MTMR10: variants seen among roughly 807,000 people sequenced by gnomAD.
MTMR10 encodes myotubularin related protein 10.
A neutral mutation model predicts 88.1 loss-of-function variants in MTMR10; 56 were observed. That is an observed-to-expected ratio of 0.64 (90% CI 0.51 to 0.79). The LOEUF (loss-of-function observed/expected upper bound fraction) is 0.79. MTMR10 is among the 30% of genes least tolerant of loss of function. The pLI is 0.00. For synonymous variants in MTMR10, 380 were observed against 340.9 expected, an observed-to-expected ratio of 1.11 and a Z score of -1.26; for missense variants, 883 against 924.7, an observed-to-expected ratio of 0.95 and a Z score of 0.58.
intron 14 of MTMR10, chr15:30,946,819 A>G: frequency 1.4e-6 from 1 of 692,298 alleles, no homozygotes. Flanking sequence ...TTTGTTTTTT[A>G]CTACCCAATA....
intron 2 of MTMR10, among the ~76,000 whole-genome samples, chr15:30,982,352 T>A (rs1343028440): frequency 6.6e-6 from 1 of 152,192 alleles, no homozygotes; most frequent in Admixed American, 6.5e-5. Context: ...CATAAGCTAT[T>A]AACATTAGCG....
At chr15:30,945,480 C>G (rs865918517) in intron 14 of MTMR10, among the ~76,000 whole-genome samples, 2 of 152,160 alleles carry the variant, frequency 1.3e-5, no homozygotes, top group Middle Eastern at 3.2e-3. Flanking sequence ...CAGATACCCA[C>G]CCATGCACTG....
intron 5 of MTMR10, 31 bp downstream of exon 5, chr15:30,974,283 C>T: frequency 6.5e-7 from 1 of 1,533,374 alleles, no homozygotes; most frequent in East Asian, 2.3e-5. Flanking sequence ...CAGTACAGAA[C>T]CCAGAACTTG....
intron 3 of MTMR10, 48 bp from the exon 4 acceptor site, chr15:30,975,051 A>C: frequency 5.0e-4 from 669 of 1,335,936 alleles, no homozygotes; most frequent in Non-Finnish European, 6.4e-4. Context: ...CAATAATCTC[A>C]CAATGGTAGT....
intron 2 of MTMR10, among the ~76,000 whole-genome samples, chr15:30,983,763 A>G (rs1248047004): frequency 3.9e-5 from 6 of 152,252 alleles, no homozygotes; most frequent in African/African-American, 1.4e-4. Flanking sequence ...AACTGGGACA[A>G]GCTGGTCACC....
At chr15:30,922,190 AT>A in the MTMR10 span, 1 of 1,590,722 alleles carries the variant, frequency 6.3e-7, no homozygotes, top group Non-Finnish European at 8.5e-7. Flanking sequence ...TTGCAGCTGG[AT>A]TTTTTGTGAA....
downstream of MTMR10, among the ~76,000 whole-genome samples, chr15:30,934,391 G>A (rs112640303): frequency 0.014 from 2,113 of 151,992 alleles, 43 homozygotes; most frequent in African/African-American, 0.048. Context: ...CTTTTAATGG[G>A]GTGTTTGGAA....
At chr15:30,984,897 A>G (rs938175278) in intron 2 of MTMR10, among the ~76,000 whole-genome samples, 20 of 152,032 alleles carry the variant, frequency 1.3e-4, no homozygotes, top group Non-Finnish European at 2.8e-4. Flanking sequence ...CCTACTCCAA[A>G]TCTGGCTTAG....
intron 5 of MTMR10, among the ~76,000 whole-genome samples, chr15:30,968,534 AACACACACACACACACACACACAC>A (rs61503155): frequency 1.3e-4 from 18 of 143,074 alleles, no homozygotes; most frequent in African/African-American, 4.8e-4. Context: ...TCAAAAAAAC[AACACACACACACACACACACACAC>A]ACACACACAC....
chr15:30,946,157 CATTA>C (rs1289212966), intron 14 of MTMR10: 2 of 152,252 alleles, frequency 1.3e-5, no homozygotes, highest in Non-Finnish European at 2.9e-5. Context: ...TTGGGATGCC[CATTA>C]ATTAAGTTCT....
At chr15:30,956,065 A>G (rs1274331666) in intron 9 of MTMR10, among the ~76,000 whole-genome samples, 1 of 152,008 alleles carries the variant, frequency 6.6e-6, no homozygotes, top group Non-Finnish European at 1.5e-5. Flanking sequence ...AAACACCTAG[A>G]AAAGATAAGA....
chr15:30,946,850 T>C (rs2063178480), intron 14 of MTMR10: 2 of 658,316 alleles, frequency 3.0e-6, no homozygotes. Context: ...GAAATATAAA[T>C]ACAAAAGCAT....
At chr15:30,954,685 A>T in intron 10 of MTMR10, 78 bp downstream of exon 10, 1 of 1,324,896 alleles carries the variant, frequency 7.5e-7, no homozygotes, top group South Asian at 1.8e-5. Context: ...TACATTTTTA[A>T]GAACATCACT....
intron 12 of MTMR10, 67 bp from the exon 13 acceptor site, chr15:30,948,538 G>T: frequency 6.8e-7 from 1 of 1,477,720 alleles, no homozygotes. Flanking sequence ...GGGAAGGAAA[G>T]GTAAACTAGA....
rs373597920 is a variant in MTMR10 at position 30,973,216 on chromosome 15, T to C, written c.474+1098A>G. On this transcript the variant is annotated intron_variant, in intron 5 of 15. Transcript: ENST00000435680. ...GAAAGAGGCTTTAAGAGTTATCTAG[T>C]TGAATTTTCAATAATGCAGCTTGCT... Among the ~76,000 whole-genome samples, 22 of 152,272 alleles carry C rather than the reference T, an allele frequency of 1.4e-4. No homozygotes were observed. The South Asian group carries it at 2.3e-3, about 16-fold the overall frequency.
At chr15:30,947,669 G>A (rs1485418441) in intron 13 of MTMR10, among the ~76,000 whole-genome samples, 2 of 152,206 alleles carry the variant, frequency 1.3e-5, no homozygotes, top group Non-Finnish European at 1.5e-5. Context: ...ATGTTTGGTT[G>A]ATCCTGTAGG....
chr15:30,984,029 C>T (rs974035746), intron 2 of MTMR10, among the ~76,000 whole-genome samples: 1 of 152,054 alleles, frequency 6.6e-6, no homozygotes, highest in African/African-American at 2.4e-5. Flanking sequence ...GTGATAATAA[C>T]AGTAACAAGG....
At chr15:30,948,790 G>C (rs939759973) in intron 12 of MTMR10, 9 of 375,592 alleles carry the variant, frequency 2.4e-5, no homozygotes, top group African/African-American at 4.2e-5. Flanking sequence ...TTTTGTCAAG[G>C]TATTAAGTAT....
intron 5 of MTMR10, among the ~76,000 whole-genome samples, chr15:30,968,578 A>ACACAC (rs1555410069): frequency 5.2e-4 from 48 of 91,726 alleles, no homozygotes; most frequent in African/African-American, 2.2e-3. Context: ...CACACACACA[A>ACACAC]ACTGTGTTTA....
Sources: allele counts gnomAD v4.1 joint callset (sites outside exome capture counted in the v4.1 genomes callset), GRCh38; gene constraint gnomAD v4.1.1; transcripts MANE v1.5; gene names NCBI Gene and HGNC (gene_info 2026-07-23, HGNC 2026-07-21).